CDS1: variants seen among roughly 807,000 people sequenced by gnomAD.
CDS1 encodes the protein CDP-diacylglycerol synthase 1, also known as phosphatidate cytidylyltransferase 1.
Under a neutral mutation model 62.1 loss-of-function variants are expected in CDS1, and 41 were observed. That is an observed-to-expected ratio of 0.66 (90% CI 0.51 to 0.86). CDS1 has a LOEUF of 0.86. Among genes scored for constraint, CDS1 ranks in the 40% least tolerant of loss-of-function variants. CDS1 has a pLI of 0.00. For synonymous variants in CDS1, 185 were observed against 192.6 expected (o/e 0.96, Z 0.32); for missense variants, 470 against 550.1 (o/e 0.85, Z 1.46).
intron 3 of CDS1, among the ~76,000 whole-genome samples, chr4:84,615,821 T>G (rs1254191206): frequency 6.6e-6 from 1 of 152,156 alleles, no homozygotes; most frequent in Non-Finnish European, 1.5e-5. Flanking sequence ...TTGCTACCAG[T>G]GTTGATGGTG....
At chr4:84,626,703 G>A (rs978209013) in intron 5 of CDS1, among the ~76,000 whole-genome samples, 6 of 152,122 alleles carry the variant, frequency 3.9e-5, no homozygotes, top group Non-Finnish European at 7.3e-5. Flanking sequence ...CATTTTAAGC[G>A]TTGCCTAAAA....
At position 84,583,174 on chromosome 4, in the gene CDS1, C is replaced by A. The variant is rs962326899; in HGVS notation, c.-228C>A. On this transcript the variant is annotated 5_prime_UTR_variant, in exon 1 of 13. Coordinates refer to ENST00000295887, the MANE Select transcript of CDS1 (RefSeq NM_001263.4). Reference sequence around the variant, plus strand: ...GCCCGGAGCCTGCCCGGGACCTCCGCCGGAGCCGCGCTCGCTGCAGGCGGC... The same window carrying A: ...GCCCGGAGCCTGCCCGGGACCTCCGACGGAGCCGCGCTCGCTGCAGGCGGC... 1.1e-5 allele frequency: 5 copies of A among 444,630 alleles called. No homozygotes were observed. Among genetic ancestry groups the A allele is most frequent in the Middle Eastern group, 5.8e-4 (1 of 1,714 alleles). 27.5% of individuals were successfully genotyped at this position (444,630 alleles called of 1,614,324 possible).
intron 5 of CDS1, among the ~76,000 whole-genome samples, chr4:84,629,085 T>G (rs77678620): frequency 0.019 from 2,849 of 152,286 alleles, 85 homozygotes; most frequent in African/African-American, 0.065. Context: ...TAGAAATAGT[T>G]ATACAAGCAT....
At chr4:84,616,900 A>G (rs2148646585) in intron 3 of CDS1, among the ~76,000 whole-genome samples, 1 of 152,330 alleles carries the variant, frequency 6.6e-6, no homozygotes, top group African/African-American at 2.4e-5. Flanking sequence ...ACACTGTGTA[A>G]ACAGAAATGC....
chr4:84,647,338 C>T (rs1249933377), intron 12 of CDS1, among the ~76,000 whole-genome samples: 1 of 151,932 alleles, frequency 6.6e-6, no homozygotes, highest in Non-Finnish European at 1.5e-5. Context: ...AATATGGCAG[C>T]TTTTTAGGGC....
At chr4:84,619,571 C>T in intron 5 of CDS1, 38 bp downstream of exon 5, 2 of 1,200,560 alleles carry the variant, frequency 1.7e-6, no homozygotes, top group Non-Finnish European at 2.3e-6. Flanking sequence ...ATATAGTTAA[C>T]ATATTTTCCA....
intron 3 of CDS1, among the ~76,000 whole-genome samples, chr4:84,612,720 G>A (rs1238087993): frequency 1.3e-5 from 2 of 152,126 alleles, no homozygotes; most frequent in Non-Finnish European, 2.9e-5. Context: ...GCCAGGTGCG[G>A]TGGCTGACGC....
intron 2 of CDS1, 136 bp from the exon 3 acceptor site, chr4:84,609,293 T>A: frequency 1.9e-6 from 1 of 531,940 alleles, no homozygotes. Context: ...GTTTTTTGTT[T>A]TTGTTGTTTG....
intron 8 of CDS1, among the ~76,000 whole-genome samples, chr4:84,635,911 C>T (rs1724194325): frequency 6.6e-6 from 1 of 151,548 alleles, no homozygotes; most frequent in Non-Finnish European, 1.5e-5. Context: ...TGCATGCCAC[C>T]ACACCCGGCT....
intron 3 of CDS1, among the ~76,000 whole-genome samples, chr4:84,613,178 A>G (rs1723380844): frequency 6.6e-6 from 1 of 152,116 alleles, no homozygotes; most frequent in Admixed American, 6.5e-5. Context: ...ATATTACTTT[A>G]TGTGTTTTAA....
At chr4:84,629,111 G>GA (rs1341005184) in intron 5 of CDS1, among the ~76,000 whole-genome samples, 4 of 151,966 alleles carry the variant, frequency 2.6e-5, no homozygotes, top group Admixed American at 6.6e-5. Flanking sequence ...GTTAATCAGG[G>GA]AAAAAACCTA....
intron 2 of CDS1, among the ~76,000 whole-genome samples, chr4:84,608,583 T>A (rs1378144677): frequency 2.0e-5 from 3 of 152,232 alleles, no homozygotes; most frequent in Non-Finnish European, 4.4e-5. Flanking sequence ...GGCTGACCTC[T>A]TAGGTAACTG....
intron 1 of CDS1, among the ~76,000 whole-genome samples, chr4:84,596,580 A>G (rs1470054682): frequency 6.6e-6 from 1 of 152,182 alleles, no homozygotes; most frequent in Non-Finnish European, 1.5e-5. Context: ...ACTCACCTGT[A>G]TAATCCAGGA....
Position 84,609,494 on chromosome 4 carries a change from T to C in CDS1, c.311T>C (p.Ile104Thr). 6.2e-7 allele frequency: 1 copy of C among 1,608,562 alleles called. No homozygotes were observed. The highest frequency in any genetic ancestry group is 8.5e-7 in the Non-Finnish European group (1 of 1,175,162). Reference protein sequence around the residue: ...LTMISLFFLIIYMGSFMLMLL... With the variant: ...LTMISLFFLITYMGSFMLMLL... Reference sequence around the variant, plus strand: ...ATGATCTCGTTGTTTTTCCTGATCATCTATATGGGATCCTTCATGCTGATG... The same window carrying C: ...ATGATCTCGTTGTTTTTCCTGATCACCTATATGGGATCCTTCATGCTGATG... Residue 104 changes from isoleucine (I) to threonine (T), a missense_variant, in exon 3 of 13, where the codon ATC becomes ACC. Around this residue, in one of 5 missense-constraint regions of CDS1, gnomAD observed 150 missense variants for 142.0 expected, o/e 1.06. Transcript: ENST00000295887.
At chr4:84,647,744 T>C (rs990971959) in intron 12 of CDS1, among the ~76,000 whole-genome samples, 2 of 152,144 alleles carry the variant, frequency 1.3e-5, no homozygotes, top group African/African-American at 4.8e-5. Flanking sequence ...ATTTTCAGAG[T>C]AAATAGTTCC....
Position 84,648,890 on chromosome 4 carries a change from G to A in CDS1, c.*204G>A. 2.1e-6 allele frequency: 1 copy of A among 469,676 alleles called. No homozygotes were observed. Among genetic ancestry groups the A allele is most frequent in the Non-Finnish European group, 3.7e-6 (1 of 270,350 alleles). The allele number at this position is 469,676 out of a possible 1,614,324, so 29.1% of individuals were successfully genotyped here. On this transcript the variant is annotated 3_prime_UTR_variant, in exon 13 of 13. Coordinates refer to ENST00000295887, the MANE Select transcript of CDS1 (RefSeq NM_001263.4). ...ATAAGTAGCAAATTGCCAGCAAAATGTCTTGTACCTTTTCTAAAGTGTATT... is the reference window on the plus strand; with the variant it reads ...ATAAGTAGCAAATTGCCAGCAAAATATCTTGTACCTTTTCTAAAGTGTATT...
At chr4:84,606,243 C>T (rs994326889) in intron 2 of CDS1, among the ~76,000 whole-genome samples, 1 of 151,936 alleles carries the variant, frequency 6.6e-6, no homozygotes. Flanking sequence ...TGTAATCCTC[C>T]TACCAAGACA....
At chr4:84,596,477 A>C (rs1722755210) in intron 1 of CDS1, among the ~76,000 whole-genome samples, 1 of 152,096 alleles carries the variant, frequency 6.6e-6, no homozygotes, top group African/African-American at 2.4e-5. Flanking sequence ...TCCTTGCTCA[A>C]AACCAGCATC....
At chr4:84,628,846 TTTTGAATACACCTCTC>T (rs1723934229) in intron 5 of CDS1, among the ~76,000 whole-genome samples, 1 of 152,180 alleles carries the variant, frequency 6.6e-6, no homozygotes, top group African/African-American at 2.4e-5. Flanking sequence ...CTCTTGTTAT[TTTTGAATACACCTCTC>T]TTTAGTTTGT....
Sources: gnomAD v4.1 joint callset for allele counts (sites outside exome capture counted in the v4.1 genomes callset) on GRCh38, gnomAD v4.1.1 for gene constraint, gnomAD v4.1.1 regional missense constraint, MANE v1.5 for transcripts, NCBI Gene and HGNC (gene_info 2026-07-23, HGNC 2026-07-21) for gene names.